Variants in STK11IP observed in about 807,000 individuals in gnomAD.
STK11IP encodes the protein serine/threonine-protein kinase 11-interacting protein.
A neutral mutation model predicts 131.7 loss-of-function variants in STK11IP; 103 were observed. The ratio of observed to expected loss-of-function variants is 0.78; its 90% CI spans 0.67 to 0.92. The LOEUF (loss-of-function observed/expected upper bound fraction) is 0.92, where lower values mean the gene tolerates loss of function less well. Ranked by LOEUF, STK11IP falls within the 40% of genes least tolerant of loss-of-function variation. The pLI is 0.00. For synonymous variants in STK11IP, 557 were observed against 575.6 expected, an observed-to-expected ratio of 0.97 and a Z score of 0.46; for missense variants, 1,315 against 1,385.7, an observed-to-expected ratio of 0.95 and a Z score of 0.81.
chr2:219,598,167 G>C lies in STK11IP; in HGVS notation c.48G>C (p.Leu16Phe), dbSNP rs1360384961. The change falls in exon 2 of 25, where the codon TTG becomes TTC. Residue 16 changes from leucine to phenylalanine, a missense_variant. Coordinates refer to ENST00000456909, the MANE Select transcript of STK11IP (RefSeq NM_052902.4). ...CCCTGTTGTGGAAGCTCGCGGGGTT[G>C]CTGCGGGAGTCCGGTGAGTGGACTT... ...RDSLLWKLAG[L>F]LRESGDVVLS... 1 of 1,565,952 alleles carries C rather than the reference G, an allele frequency of 6.4e-7. No individual in the cohort carries two copies. Among genetic ancestry groups the C allele is most frequent in the East Asian group, 2.4e-5 (1 of 41,546 alleles).
intron 19 of STK11IP, 146 bp from the exon 20 acceptor site, chr2:219,612,982 T>C (rs1295316515): frequency 1.6e-6 from 1 of 625,360 alleles, no homozygotes; most frequent in Non-Finnish European, 2.9e-6. Flanking sequence ...GAAGAGGCTG[T>C]CGAGTGTGAG....
Position 219,601,378 on chromosome 2 carries a change from TC to T in STK11IP, c.209del (p.Pro70LeufsTer67). 6.2e-7 allele frequency: 1 copy of T among 1,614,052 alleles called. No individual in the cohort carries two copies. Among genetic ancestry groups the T allele is most frequent in the Non-Finnish European group, 8.5e-7 (1 of 1,179,904 alleles). ...FVALPSHPAD[S>X]PVILQLQFLF... ...GGCTCTGCCCTCCCATCCTGCCGAC[TC>T]CCCTGTTATTCTTCAGCTTCAGTTT... is the stretch of plus-strand genomic sequence containing the variant. On this transcript the variant is annotated frameshift_variant, in exon 3 of 25. Coordinates refer to ENST00000456909, the MANE Select transcript of STK11IP (RefSeq NM_052902.4). LOFTEE classifies it high-confidence loss of function.
chr2:219,598,003 C>G (rs1051068599), intron 1 of STK11IP, 80 bp downstream of exon 1: 6 of 1,585,230 alleles, frequency 3.8e-6, no homozygotes, highest in East Asian at 2.3e-5. Context: ...TCGCCTTTTT[C>G]TCCGCATGAC....
At position 219,611,718 on chromosome 2, in the gene STK11IP, C is replaced by T. The variant is rs748113911; in HGVS notation, c.2219C>T (p.Pro740Leu). The change falls in exon 18 of 25, where the codon CCG becomes CTG. Residue 740 changes from proline (P) to leucine (L), a missense_variant. Physicochemically the swap from Pro to Leu is moderately conservative, Grantham distance 98. Coordinates refer to ENST00000456909, the MANE Select transcript of STK11IP (RefSeq NM_052902.4). ...KQGEQSLAPSPSASPVCHPPG... is the reference protein window; with the variant it reads ...KQGEQSLAPSLSASPVCHPPG... ...GGAGAGCAGTCTCTGGCTCCTTCTC[C>T]GTCTGCCAGCCCTGTCTGCCACCCT... 9.9e-6 allele frequency: 16 copies of T among 1,613,094 alleles called. No homozygotes were observed. The highest frequency in any genetic ancestry group is 2.2e-5 in the East Asian group (1 of 44,872).
chr2:219,612,935 G>T, intron 19 of STK11IP, 193 bp from the exon 20 acceptor site: 1 of 569,210 alleles, frequency 1.8e-6, no homozygotes, highest in Non-Finnish European at 3.2e-6. Context: ...GAGGCTCTGA[G>T]CGGGCAGGGG....
rs1260309533 is a variant in STK11IP, at chr2:219,608,627, G to A, written c.1648G>A (p.Glu550Lys). 6.2e-7 allele frequency: 1 copy of A among 1,612,412 alleles called. No homozygotes were observed. The highest frequency in any genetic ancestry group is 2.2e-5 in the East Asian group (1 of 44,836). Residue 550 changes from glutamate (E) to lysine (K), a missense_variant, in exon 15 of 25, where the codon GAG becomes AAG. Physicochemically the swap from Glu to Lys is moderately conservative, Grantham distance 56. Coordinates refer to ENST00000456909, the MANE Select transcript of STK11IP (RefSeq NM_052902.4). ...PLLVCPLEGP[E>K]GVRGRECFLR... ...GTTGGTGTGTCCCCTGGAGGGGCCTGAGGGCGTACGGGGCAGGGAATGCTT... is the reference window on the plus strand; with the variant it reads ...GTTGGTGTGTCCCCTGGAGGGGCCTAAGGGCGTACGGGGCAGGGAATGCTT...
rs1477427688 is a variant in STK11IP, at chr2:219,608,083, T to A, written c.1256T>A (p.Met419Lys). The change falls in exon 14 of 25, where the codon ATG (methionine) becomes AAG (lysine). Residue 419 changes from methionine to lysine, a missense_variant. Met to Lys is a moderately conservative substitution (Grantham distance 95). Coordinates refer to ENST00000456909, the MANE Select transcript of STK11IP (RefSeq NM_052902.4). Reference protein sequence around the residue: ...FVQQHPELELMSSFRERFGRN... With the variant: ...FVQQHPELELKSSFRERFGRN... ...CAGCAGCACCCGGAGCTGGAGCTCA[T>A]GAGCAGCTTCCGGGAACGGTTCGGC... The A allele has an allele frequency of 1.2e-6, 2 of 1,612,512 alleles. No individual in the cohort carries two copies. Among genetic ancestry groups the A allele is most frequent in the Non-Finnish European group, 1.7e-6 (2 of 1,179,874 alleles).
At chr2:219,601,497 T>G (rs1489451544) in intron 3 of STK11IP, 57 bp downstream of exon 3, 1 of 1,592,278 alleles carries the variant, frequency 6.3e-7, no homozygotes. Flanking sequence ...ATGATGGAAG[T>G]TGGGGATAGG....
rs200418315 is a variant in STK11IP at position 219,613,865 on chromosome 2, C to G, written c.2651C>G (p.Ala884Gly). ...CTGCGGCTAGAGTGGGCAGCTGGGG[C>G]GGGCCGCTGTGTGCTGCTGCCCCGA... ...QSLRLEWAAG[A>G]GRCVLLPRDA... Residue 884 changes from alanine (A) to glycine (G), a missense_variant, in exon 21 of 25, where the codon GCG becomes GGG. Transcript: ENST00000456909. The G allele has an allele frequency of 6.6e-5, 103 of 1,557,960 alleles. No individual in the cohort carries two copies. In the South Asian group the frequency reaches 7.6e-4, roughly 12 times the overall value.
At chr2:219,611,561 C>T (rs929932814) in intron 17 of STK11IP, 43 bp from the exon 18 acceptor site, 15 of 1,515,610 alleles carry the variant, frequency 9.9e-6, no homozygotes, top group African/African-American at 4.1e-5. Context: ...AGTTGTGGCA[C>T]TGTGGGGGGG....
In STK11IP at chr2:219,607,095, G is replaced by C. The variant is rs766989458; in HGVS notation, c.1177G>C (p.Asp393His). 1.2e-6 allele frequency: 2 copies of C among 1,613,918 alleles called. No individual in the cohort carries two copies. The highest frequency in any genetic ancestry group is 2.2e-5 in the South Asian group (2 of 91,086). Residue 393 changes from aspartate to histidine, a missense_variant, in exon 13 of 25, where the codon GAT becomes CAT. Transcript: ENST00000456909. The part of the protein sequence containing the change: ...VRRASISEPS[D>H]TDPEPRTLNP... Reference sequence around the variant, plus strand: ...GCGGGCAAGCATCTCTGAACCCAGTGATACGGACCCGGAGCCCCGAACTCT... The same window carrying C: ...GCGGGCAAGCATCTCTGAACCCAGTCATACGGACCCGGAGCCCCGAACTCT...
rs369390904 is a variant in STK11IP at position 219,615,288 on chromosome 2, G to A, written c.3064G>A (p.Val1022Met). 71 of 1,601,906 alleles carry A rather than the reference G, an allele frequency of 4.4e-5. No individual in the cohort carries two copies. Among genetic ancestry groups the A allele is most frequent in the Non-Finnish European group, 5.4e-5 (64 of 1,179,198 alleles). Residue 1022 changes from valine to methionine, a missense_variant, in exon 24 of 25, where the codon GTG becomes ATG. Coordinates refer to ENST00000456909, the MANE Select transcript of STK11IP (RefSeq NM_052902.4). ...EQQPLSSLSS[V>M]LLYRSAPEDL... ...GCAGCCACTCAGCAGCCTGAGCTCC[G>A]TGCTGCTCTACCGCTCAGCCCCTGA...
At chr2:219,614,387 C>A (rs1698505891) in intron 22 of STK11IP, 89 bp from the exon 23 acceptor site, 1 of 1,533,534 alleles carries the variant, frequency 6.5e-7, no homozygotes, top group Non-Finnish European at 9.0e-7. Flanking sequence ...CTCCTCCCAA[C>A]CCCCTGCAGG....
chr2:219,611,928 A>T (rs1362735606), intron 18 of STK11IP, 27 bp from the exon 19 acceptor site: 5 of 1,578,294 alleles, frequency 3.2e-6, no homozygotes, highest in Non-Finnish European at 4.3e-6. Flanking sequence ...TGCCATGGGC[A>T]GGCTGATGCC....
At chr2:219,603,719 A>G (rs947348858) in intron 7 of STK11IP, among the ~76,000 whole-genome samples, 1 of 151,750 alleles carries the variant, frequency 6.6e-6, no homozygotes, top group African/African-American at 2.4e-5. Context: ...ATGGGGTTTC[A>G]CCATCTTAGC....
intron 13 of STK11IP, among the ~76,000 whole-genome samples, chr2:219,607,608 A>G (rs1018924612): frequency 7.9e-5 from 12 of 152,234 alleles, no homozygotes; most frequent in African/African-American, 2.2e-4. Context: ...GCAGTGAGCT[A>G]TGATCATGCC....
chr2:219,598,368 C>G lies in STK11IP; in HGVS notation c.61+188C>G. 1.6e-5 allele frequency: 8 copies of G among 500,988 alleles called. No homozygotes were observed. The South Asian group carries it at 2.3e-4, about 15-fold the overall frequency. 31.0% of individuals were successfully genotyped at this position (500,988 alleles called of 1,614,324 possible). ...TCCTTTGCCTGTGATAGCCTAAACTCTAGCCGTCCTTTGAGGCCAAAGGGC... is the reference window on the plus strand; with the variant it reads ...TCCTTTGCCTGTGATAGCCTAAACTGTAGCCGTCCTTTGAGGCCAAAGGGC... On this transcript the variant is annotated intron_variant, in intron 2 of 24. Transcript: ENST00000456909.
chr2:219,605,842 A>G, intron 8 of STK11IP, 108 bp downstream of exon 8: 1 of 1,491,126 alleles, frequency 6.7e-7, no homozygotes, highest in South Asian at 1.2e-5. Flanking sequence ...GCTTATGGGG[A>G]GTGCAGGGGT....
In STK11IP at chr2:219,606,778, GA is replaced by G; in HGVS notation, c.1057del (p.Thr353ProfsTer7). The G allele has an allele frequency of 2.0e-5, 32 of 1,613,848 alleles. No individual in the cohort carries two copies. Among genetic ancestry groups the G allele is most frequent in the Non-Finnish European group, 2.7e-5 (32 of 1,179,858 alleles). On this transcript the variant is annotated frameshift_variant, in exon 12 of 25. Transcript: ENST00000456909. LOFTEE classifies it high-confidence loss of function. The stretch of plus-strand genomic sequence containing the variant: ...GCCCTGGCCAGTGGGGAGTACTCCT[GA>G]AACCTCAGGTGGCCCTGACCTGAGT... ...PLPWPVGSTP[E>X]TSGGPDLSDS...
Sources: gnomAD v4.1 joint callset for allele counts (sites outside exome capture counted in the v4.1 genomes callset) on GRCh38, gnomAD v4.1.1 for gene constraint, MANE v1.5 for transcripts, NCBI Gene and HGNC (gene_info 2026-07-23, HGNC 2026-07-21) for gene names.